Variants in RIT2 observed in about 807,000 individuals in gnomAD.
RIT2 encodes the protein Ras like without CAAX 2.
In RIT2, 24 loss-of-function variants were observed where a neutral mutation model predicts 23.7. The ratio of observed to expected loss-of-function variants is 1.01; its 90% CI spans 0.73 to 1.43. The LOEUF (loss-of-function observed/expected upper bound fraction) is 1.43. RIT2 is among the 40% of genes most tolerant of loss of function. The probability of loss-of-function intolerance (pLI) is 0.00; values close to 1 mark genes in which losing one functional copy is unlikely to be tolerated. For missense variants in RIT2, 236 were observed against 266.9 expected (o/e 0.88, Z 0.81); for synonymous variants, 107 against 91.1 (o/e 1.17, Z -0.99).
chr18:42,774,607 G>A (rs937434119), intron 4 of RIT2, among the ~76,000 whole-genome samples: 3 of 146,114 alleles, frequency 2.1e-5, no homozygotes, highest in Non-Finnish European at 3.0e-5. Context: ...ATTATCAATC[G>A]TTCAAATTGA....
chr18:43,053,772 A>T (rs907696849), intron 1 of RIT2, among the ~76,000 whole-genome samples: 3 of 152,130 alleles, frequency 2.0e-5, no homozygotes, highest in Non-Finnish European at 2.9e-5. Flanking sequence ...ATTATATTTA[A>T]ATCATAGTAA....
At chr18:43,085,726 C>T (rs138638069) in intron 1 of RIT2, among the ~76,000 whole-genome samples, 27 of 151,230 alleles carry the variant, frequency 1.8e-4, no homozygotes, top group African/African-American at 5.9e-4. Flanking sequence ...TATCCAGTGA[C>T]GTGGTTTGGC....
chr18:43,037,289 C>G (rs1014000887), intron 1 of RIT2, among the ~76,000 whole-genome samples: 1 of 152,166 alleles, frequency 6.6e-6, no homozygotes, highest in African/African-American at 2.4e-5. Flanking sequence ...GTTAGAGTAT[C>G]AATGAACAAT....
chr18:43,112,652 C>T lies in RIT2; in HGVS notation c.103+2765G>A, dbSNP rs370936932. Among the ~76,000 whole-genome samples, 41 of 152,198 alleles carry T rather than the reference C, an allele frequency of 2.7e-4. No homozygotes were observed. The East Asian group carries it at 4.6e-3, about 17-fold the overall frequency. ...GGCACAATGGCTCATGCCTATAATC[C>T]CAGCACTTTGGGGGGCTGAGGCAGG... On this transcript the variant is annotated intron_variant, in intron 1 of 4. Coordinates refer to ENST00000326695, the MANE Select transcript of RIT2 (RefSeq NM_002930.4).
chr18:42,795,621 G>A (rs529283443), intron 4 of RIT2, among the ~76,000 whole-genome samples: 35 of 152,354 alleles, frequency 2.3e-4, no homozygotes, highest in Non-Finnish European at 3.5e-4. Flanking sequence ...CTGCGGGCGC[G>A]GCACGGGACT....
At chr18:42,830,317 T>G (rs1269947449) in intron 4 of RIT2, among the ~76,000 whole-genome samples, 1 of 152,204 alleles carries the variant, frequency 6.6e-6, no homozygotes, top group Non-Finnish European at 1.5e-5. Context: ...TGGTGTTGCC[T>G]GGTCTTCTGT....
At chr18:42,786,659 A>T (rs538764832) in intron 4 of RIT2, among the ~76,000 whole-genome samples, 1 of 152,162 alleles carries the variant, frequency 6.6e-6, no homozygotes, top group South Asian at 2.1e-4. Flanking sequence ...TATCCCACTG[A>T]TATTTTTCAC....
chr18:42,872,366 G>A (rs943800824), intron 4 of RIT2, among the ~76,000 whole-genome samples: 2 of 152,144 alleles, frequency 1.3e-5, no homozygotes, highest in Admixed American at 6.6e-5. Flanking sequence ...CTGTAGACCT[G>A]TGCAGATTCA....
intron 1 of RIT2, among the ~76,000 whole-genome samples, chr18:43,085,794 G>A (rs1913269789): frequency 6.6e-6 from 1 of 152,116 alleles, no homozygotes; most frequent in African/African-American, 2.4e-5. Context: ...CACATGTGGT[G>A]GGAGGGACTT....
chr18:42,873,639 G>C (rs1426698029), intron 4 of RIT2, among the ~76,000 whole-genome samples: 1 of 151,970 alleles, frequency 6.6e-6, no homozygotes, highest in East Asian at 1.9e-4. Context: ...AAAAAAAGAT[G>C]AGAATACATT....
chr18:42,947,349 AG>A (rs1909751473), intron 3 of RIT2, among the ~76,000 whole-genome samples: 1 of 152,110 alleles, frequency 6.6e-6, no homozygotes, highest in Admixed American at 6.6e-5. Flanking sequence ...TCTGGAGTCC[AG>A]GTTAAATTGT....
At chr18:42,870,994 G>A (rs757398654) in intron 4 of RIT2, among the ~76,000 whole-genome samples, 7 of 152,142 alleles carry the variant, frequency 4.6e-5, no homozygotes, top group Admixed American at 2.0e-4. Context: ...TCACCCTTAT[G>A]ATGTGGACTG....
At chr18:43,098,614 C>A (rs1169428525) in intron 1 of RIT2, among the ~76,000 whole-genome samples, 2 of 151,814 alleles carry the variant, frequency 1.3e-5, no homozygotes, top group Non-Finnish European at 2.9e-5. Context: ...ATAACAATAG[C>A]AACAATAACA....
intron 4 of RIT2, among the ~76,000 whole-genome samples, chr18:42,810,748 T>C (rs1905829066): frequency 6.6e-6 from 1 of 151,960 alleles, no homozygotes; most frequent in Non-Finnish European, 1.5e-5. Context: ...TCAGAGTAAT[T>C]TCTCTACATG....
chr18:42,823,983 C>T (rs1374054511), intron 4 of RIT2, among the ~76,000 whole-genome samples: 2 of 152,070 alleles, frequency 1.3e-5, no homozygotes, highest in Non-Finnish European at 1.5e-5. Flanking sequence ...CCGTTTAAGT[C>T]GTCATCTTTT....
chr18:43,028,600 A>G (rs1911785400), intron 2 of RIT2, among the ~76,000 whole-genome samples: 1 of 152,062 alleles, frequency 6.6e-6, no homozygotes, highest in Non-Finnish European at 1.5e-5. Context: ...TTTAGTTTAT[A>G]GGCCTTGATT....
At chr18:43,070,628 T>C (rs767982966) in intron 1 of RIT2, among the ~76,000 whole-genome samples, 1 of 152,232 alleles carries the variant, frequency 6.6e-6, no homozygotes, top group Non-Finnish European at 1.5e-5. Flanking sequence ...GCAGCTTTTA[T>C]TGATCTTGTT....
intron 4 of RIT2, 24 bp downstream of exon 4, chr18:42,923,548 C>A (rs1241927299): frequency 2.8e-5 from 45 of 1,603,166 alleles, no homozygotes; most frequent in Non-Finnish European, 3.8e-5. Context: ...AAGACAGAAG[C>A]TACCAGATAA....
At chr18:42,929,735 C>T (rs1447256030) in intron 3 of RIT2, among the ~76,000 whole-genome samples, 2 of 152,166 alleles carry the variant, frequency 1.3e-5, no homozygotes, top group South Asian at 4.1e-4. Context: ...CCCTTCTGGG[C>T]TTGGGACCCT....
Sources: allele counts gnomAD v4.1 joint callset (sites outside exome capture counted in the v4.1 genomes callset), GRCh38; gene constraint gnomAD v4.1.1; transcripts MANE v1.5; gene names NCBI Gene and HGNC (gene_info 2026-07-23, HGNC 2026-07-21).